MEI1: variants seen among roughly 807,000 people sequenced by gnomAD.
The protein encoded by MEI1 is meiosis inhibitor protein 1.
In MEI1, 103 loss-of-function variants were observed where a neutral mutation model predicts 146.2. The observed-to-expected ratio is 0.70, with a 90% CI of 0.60 to 0.83. The LOEUF is 0.83. MEI1 is among the 40% of genes least tolerant of loss of function. The pLI is 0.00. For missense variants in MEI1, 1,529 were observed against 1,533.0 expected (o/e 1.00, Z 0.04); for synonymous variants, 652 against 628.2 (o/e 1.04, Z -0.57).
At chr22:41,743,972 G>A (rs975833925) in intron 12 of MEI1, among the ~76,000 whole-genome samples, 3 of 152,006 alleles carry the variant, frequency 2.0e-5, no homozygotes, top group African/African-American at 4.8e-5. Flanking sequence ...CGCCTCCCGG[G>A]TTCCAGTGAT....
At chr22:41,740,035 G>A (rs912617976) in intron 11 of MEI1, among the ~76,000 whole-genome samples, 5 of 151,326 alleles carry the variant, frequency 3.3e-5, no homozygotes, top group Non-Finnish European at 7.4e-5. Context: ...TTTTTTGGTG[G>A]GGGGGGTGGA....
chr22:41,788,712 A>G (rs1183982968), intron 26 of MEI1, among the ~76,000 whole-genome samples: 1 of 152,154 alleles, frequency 6.6e-6, no homozygotes, highest in Non-Finnish European at 1.5e-5. Context: ...AAGTGCTGGG[A>G]TTACAGGTGT....
intron 11 of MEI1, among the ~76,000 whole-genome samples, chr22:41,739,820 G>A (rs1184658702): frequency 6.6e-6 from 1 of 152,134 alleles, no homozygotes; most frequent in Non-Finnish European, 1.5e-5. Flanking sequence ...GTACTATGAA[G>A]GGTGAGAGTT....
intron 22 of MEI1, 122 bp from the exon 23 acceptor site, chr22:41,781,162 G>C (rs2075739576): frequency 1.5e-6 from 1 of 684,892 alleles, no homozygotes. Flanking sequence ...TGTAATATCA[G>C]GGATACTTAG....
intron 18 of MEI1, 128 bp downstream of exon 18, chr22:41,758,661 G>C (rs1458745378): frequency 1.0e-6 from 1 of 970,902 alleles, no homozygotes; most frequent in Admixed American, 2.7e-5. Context: ...AGTAAGAAAT[G>C]GGTTGTGTCC....
At chr22:41,704,414 CT>C (rs563536729) in intron 2 of MEI1, among the ~76,000 whole-genome samples, 14,423 of 137,510 alleles carry the variant, frequency 0.1, 1,647 homozygotes, top group African/African-American at 0.32. Flanking sequence ...AATTCTTACC[CT>C]TTTTTTTTTT....
intron 18 of MEI1, among the ~76,000 whole-genome samples, chr22:41,761,766 GC>G (rs2074511011): frequency 6.6e-6 from 1 of 152,094 alleles, no homozygotes; most frequent in Non-Finnish European, 1.5e-5. Flanking sequence ...TTCCATCACT[GC>G]AAAGCTGTCA....
intron 22 of MEI1, among the ~76,000 whole-genome samples, chr22:41,780,136 A>T (rs548162813): frequency 2.6e-5 from 4 of 152,300 alleles, no homozygotes; most frequent in South Asian, 4.1e-4. Context: ...TAGGAGGGGG[A>T]TCTGTGTGTG....
chr22:41,700,784 G>A, intron 1 of MEI1, among the ~76,000 whole-genome samples: 1 of 136,670 alleles, frequency 7.3e-6, no homozygotes. Flanking sequence ...TTGTAGAAAC[G>A]GTCCCGGGGG....
intron 18 of MEI1, among the ~76,000 whole-genome samples, chr22:41,760,643 C>A (rs1236629719): frequency 1.3e-5 from 2 of 152,182 alleles, no homozygotes; most frequent in East Asian, 3.8e-4. Context: ...AAGCTACTGC[C>A]TTAAAATCTG....
chr22:41,748,103 G>T lies in MEI1; in HGVS notation c.1681-4G>T, dbSNP rs758113529. On this transcript the variant is annotated splice_polypyrimidine_tract_variant and splice_region_variant and intron_variant, in intron 14 of 30. Coordinates refer to ENST00000401548, the MANE Select transcript of MEI1 (RefSeq NM_152513.4). ...GCTGTGTTCTCTCTCCTGGTTCTTT[G>T]CAGAGACACTTGGAGCAGACCACCC... 3.2e-5 allele frequency: 52 copies of T among 1,608,082 alleles called. 2 individuals are homozygous for T. The South Asian group carries it at 5.2e-4, about 16-fold the overall frequency.
Position 41,795,497 on chromosome 22 carries a change from C to T in MEI1, c.3621C>T (p.Thr1207=), listed in dbSNP as rs2076328359. 1.9e-6 allele frequency: 3 copies of T among 1,611,252 alleles called. No homozygotes were observed. Among genetic ancestry groups the T allele is most frequent in the South Asian group, 2.2e-5 (2 of 90,836 alleles). Residue 1207 remains threonine, a synonymous_variant, in exon 29 of 31, where the codon ACC becomes ACT. Coordinates refer to ENST00000401548, the MANE Select transcript of MEI1 (RefSeq NM_152513.4). This position sits in a 1 kb window ranked among gnomAD's most constrained non-coding sequence, Gnocchi z 4.2. The stretch of plus-strand genomic sequence containing the variant: ...GTGTGGCTTTGGCTGACCTGTCTAC[C>T]CTCTCGAACACCACACTCCAGGCCC... ...LQGVALADLS[T]LSNTTLQALH...
At chr22:41,701,778 A>AG (rs2068737989) in intron 1 of MEI1, among the ~76,000 whole-genome samples, 2 of 152,234 alleles carry the variant, frequency 1.3e-5, no homozygotes. Flanking sequence ...TTCTTAGAGG[A>AG]GGAAGCATTC....
intron 20 of MEI1, among the ~76,000 whole-genome samples, chr22:41,771,497 A>G (rs142308049): frequency 6.6e-6 from 1 of 152,188 alleles, no homozygotes; most frequent in African/African-American, 2.4e-5. Flanking sequence ...GTGCCGTGGC[A>G]TGATCTGGGC....
chr22:41,769,582 C>T lies in MEI1; in HGVS notation c.2269-1104C>T, dbSNP rs190312777. ...CTGCCTCCCGGGTTCAAGTGAGTCT[C>T]CTGCCTCAGCCTCCCAAGTAGCTGG... On this transcript the variant is annotated intron_variant, in intron 19 of 30. Coordinates refer to ENST00000401548, the MANE Select transcript of MEI1 (RefSeq NM_152513.4). 1.5e-3 allele frequency among the ~76,000 whole-genome samples: 224 copies of T among 151,826 alleles called. 1 individual carries two copies. Among genetic ancestry groups the T allele is most frequent in the Admixed American group, 4.2e-3 (64 of 15,256 alleles).
At chr22:41,791,000 G>A (rs112945405) in intron 26 of MEI1, among the ~76,000 whole-genome samples, 1,657 of 152,264 alleles carry the variant, frequency 0.011, 16 homozygotes, top group Non-Finnish European at 0.015. Flanking sequence ...GGTATAGAGG[G>A]AAGGGCATTC....
intron 28 of MEI1, among the ~76,000 whole-genome samples, chr22:41,794,851 G>C (rs2076307182): frequency 6.6e-6 from 1 of 152,208 alleles, no homozygotes; most frequent in African/African-American, 2.4e-5. Flanking sequence ...AAGTGGTAGA[G>C]TAGAGGAGAT....
intron 26 of MEI1, among the ~76,000 whole-genome samples, chr22:41,787,571 C>T (rs1321369299): frequency 6.6e-6 from 1 of 152,152 alleles, no homozygotes; most frequent in Admixed American, 6.5e-5. Context: ...GCCCTGATGG[C>T]ACAGTAGATC....
chr22:41,722,582 A>G (rs1284653667), intron 6 of MEI1, among the ~76,000 whole-genome samples: 1 of 141,894 alleles, frequency 7.0e-6, no homozygotes, highest in Non-Finnish European at 1.5e-5. Flanking sequence ...ATCTGTCCCC[A>G]CCCTAACTCA....
Sources: gnomAD v4.1 joint callset for allele counts (sites outside exome capture counted in the v4.1 genomes callset) on GRCh38, gnomAD v4.1.1 for gene constraint, Gnocchi (gnomAD v3.1) non-coding constraint, MANE v1.5 for transcripts, NCBI Gene and HGNC (gene_info 2026-07-23, HGNC 2026-07-21) for gene names.